Variants in ANK3 observed in about 807,000 individuals in gnomAD.
ANK3 encodes the protein ankyrin 3.
Under a neutral mutation model 370.9 loss-of-function variants are expected in ANK3, and 57 were observed. The ratio of observed to expected loss-of-function variants is 0.15; its 90% CI spans 0.12 to 0.19. The LOEUF is 0.19. Ranked by LOEUF, ANK3 falls within the 10% of genes least tolerant of loss-of-function variation. The pLI is 1.00. For synonymous variants in ANK3, 1,929 were observed against 1,946.3 expected (o/e 0.99, Z 0.23); for missense variants, 4,439 against 5,302.1 (o/e 0.84, Z 5.06).
chr10:60,385,699 C>T (rs2062167028), intron 1 of ANK3, among the ~76,000 whole-genome samples: 1 of 152,056 alleles, frequency 6.6e-6, no homozygotes, highest in South Asian at 2.1e-4. Flanking sequence ...GTATCTAGCA[C>T]TGTGTCAGGC....
rs754073626 is a variant in ANK3, at chr10:60,075,739, T to A, written c.5142A>T (p.Ala1714=). 2.5e-6 allele frequency: 4 copies of A among 1,614,184 alleles called. No individual in the cohort carries two copies. In the Admixed American group the frequency reaches 6.7e-5, roughly 27 times the overall value. The change falls in exon 37 of 44, where the codon GCA becomes GCT. Residue 1714 remains alanine, a synonymous_variant. Transcript: ENST00000280772. The part of the protein sequence containing the change: ...VKQMPGHAEV[A]LVNGSISPLK... The stretch of plus-strand genomic sequence containing the variant: ...GAGGGGAAATAGATCCATTGACTAA[T>A]GCTACCTCTGCATGTCCAGGCATCT...
At chr10:60,428,272 C>T (rs1030076515) in intron 2 of ANK3, among the ~76,000 whole-genome samples, 8 of 152,150 alleles carry the variant, frequency 5.3e-5, no homozygotes, top group African/African-American at 1.9e-4. Context: ...ACGAGAATAA[C>T]GCTTCTATCA....
At chr10:60,610,345 C>G (rs998759553) in intron 2 of ANK3, among the ~76,000 whole-genome samples, 11 of 152,096 alleles carry the variant, frequency 7.2e-5, no homozygotes, top group African/African-American at 2.7e-4. Flanking sequence ...AACCCTGTCT[C>G]TCTTAAAAAT....
At chr10:60,657,685 G>C (rs1376219100) in intron 1 of ANK3, among the ~76,000 whole-genome samples, 1 of 152,074 alleles carries the variant, frequency 6.6e-6, no homozygotes, top group Non-Finnish European at 1.5e-5. Flanking sequence ...AAAATAAGGA[G>C]TATTCTGTAG....
chr10:60,525,205 T>C (rs968010147), intron 2 of ANK3, among the ~76,000 whole-genome samples: 2 of 152,046 alleles, frequency 1.3e-5, no homozygotes, highest in African/African-American at 4.8e-5. Context: ...CTCAGAAGAT[T>C]CTATTATAAA....
intron 1 of ANK3, among the ~76,000 whole-genome samples, chr10:60,327,570 A>T (rs982749553): frequency 1.3e-5 from 2 of 152,210 alleles, no homozygotes; most frequent in African/African-American, 4.8e-5. Context: ...AGAAAAGAAT[A>T]AGGGTGAGGA....
At chr10:60,447,480 G>A (rs1053622685) in intron 2 of ANK3, among the ~76,000 whole-genome samples, 8 of 152,042 alleles carry the variant, frequency 5.3e-5, no homozygotes, top group Admixed American at 3.9e-4. Flanking sequence ...GAGGGGGTCC[G>A]TGCTACTCCA....
intron 28 of ANK3, among the ~76,000 whole-genome samples, chr10:60,098,292 T>C (rs2090532003): frequency 2.0e-5 from 3 of 152,226 alleles, no homozygotes; most frequent in African/African-American, 4.8e-5. Context: ...ACACAAGTTA[T>C]ATTTTAAAAA....
At chr10:60,189,293 G>A (rs996024155) in intron 16 of ANK3, among the ~76,000 whole-genome samples, 2 of 152,062 alleles carry the variant, frequency 1.3e-5, no homozygotes, top group African/African-American at 4.8e-5. Context: ...AGGAGCTCGA[G>A]ACCACCCTGG....
rs1663655423 is a variant in ANK3, at chr10:60,028,704, T to TA, written c.*1141dup. The TA allele has an allele frequency of 6.6e-6, 1 of 152,642 alleles. No individual in the cohort carries two copies. The highest frequency in any genetic ancestry group is 1.5e-5 in the Non-Finnish European group (1 of 68,054). The allele number at this position is 152,642 out of a possible 1,614,324, so 9.5% of individuals were successfully genotyped here. A position where few individuals can be genotyped will look rare whatever the true frequency, so the allele number is the denominator to read the frequency against. ...ATAATTTTACAGCGTGCTGCCATTC[T>TA]ACTAGCTAAGGATTTCTGTTCAGTC... On this transcript the variant is annotated 3_prime_UTR_variant, in exon 44 of 44. Transcript: ENST00000280772.
intron 1 of ANK3, among the ~76,000 whole-genome samples, chr10:60,687,724 A>G (rs1327936400): frequency 3.3e-5 from 5 of 152,176 alleles, no homozygotes; most frequent in Admixed American, 1.3e-4. Context: ...ATTTATCCAA[A>G]AGAATTGAAA....
intron 1 of ANK3, among the ~76,000 whole-genome samples, chr10:60,325,277 C>T (rs1380462986): frequency 6.6e-6 from 1 of 152,214 alleles, no homozygotes; most frequent in Non-Finnish European, 1.5e-5. Context: ...CTGAATACTT[C>T]CCTATACATG....
chr10:60,323,515 T>C (rs1278162347), intron 1 of ANK3, among the ~76,000 whole-genome samples: 1 of 152,216 alleles, frequency 6.6e-6, no homozygotes, highest in Non-Finnish European at 1.5e-5. Flanking sequence ...GTGGTGATTT[T>C]CAGTAGGCTA....
At chr10:60,381,249 T>C (rs1218971108) in intron 1 of ANK3, among the ~76,000 whole-genome samples, 4 of 152,196 alleles carry the variant, frequency 2.6e-5, no homozygotes, top group Admixed American at 6.6e-5. Flanking sequence ...TATGTTTGAA[T>C]GTGCAAAATA....
chr10:60,609,882 C>CATT (rs1380381519), intron 2 of ANK3, among the ~76,000 whole-genome samples: 3 of 152,032 alleles, frequency 2.0e-5, no homozygotes, highest in African/African-American at 7.2e-5. Flanking sequence ...ACTATATTTT[C>CATT]TAAAGATTTA....
chr10:60,603,253 A>C (rs1294194750), intron 2 of ANK3, among the ~76,000 whole-genome samples: 2 of 152,142 alleles, frequency 1.3e-5, no homozygotes, highest in Non-Finnish European at 2.9e-5. Flanking sequence ...AGCATATGCA[A>C]ACCCCCAGCA....
chr10:60,497,195 C>T (rs1193793126), intron 2 of ANK3, among the ~76,000 whole-genome samples: 1 of 151,994 alleles, frequency 6.6e-6, no homozygotes, highest in Non-Finnish European at 1.5e-5. Flanking sequence ...TCCCCAGTTA[C>T]TCAGGAGGCT....
At chr10:60,590,703 G>A (rs2133291769) in intron 2 of ANK3, among the ~76,000 whole-genome samples, 1 of 152,270 alleles carries the variant, frequency 6.6e-6, no homozygotes, top group East Asian at 1.9e-4. Flanking sequence ...AGATACTCAA[G>A]TCCCTTCTAC....
At chr10:60,423,650 C>T (rs1303506929) in intron 2 of ANK3, among the ~76,000 whole-genome samples, 2 of 151,970 alleles carry the variant, frequency 1.3e-5, no homozygotes, top group African/African-American at 4.8e-5. Flanking sequence ...TTTATATTTA[C>T]CAATAGCTTC....
Sources: allele counts gnomAD v4.1 joint callset (sites outside exome capture counted in the v4.1 genomes callset), GRCh38; gene constraint gnomAD v4.1.1; transcripts MANE v1.5; gene names NCBI Gene and HGNC (gene_info 2026-07-23, HGNC 2026-07-21).